Variants in FAM193B observed in about 807,000 individuals in gnomAD.
The protein encoded by FAM193B is protein FAM193B.
A neutral mutation model predicts 70.7 loss-of-function variants in FAM193B; 27 were observed. That is an observed-to-expected ratio of 0.38 (90% CI 0.28 to 0.53). The LOEUF is 0.53. Ranked by LOEUF, FAM193B falls within the 20% of genes least tolerant of loss-of-function variation. The pLI is 0.81. For synonymous variants in FAM193B, 448 were observed against 436.0 expected (o/e 1.03, Z -0.34); for missense variants, 1,022 against 1,072.5 (o/e 0.95, Z 0.66).
Position 177,524,476 on chromosome 5 carries a change from C to T in FAM193B, c.2005G>A (p.Ala669Thr), listed in dbSNP as rs750861205. 9.9e-6 allele frequency: 16 copies of T among 1,612,008 alleles called. No individual in the cohort carries two copies. Among genetic ancestry groups the T allele is most frequent in the Middle Eastern group, 1.6e-4 (1 of 6,082 alleles). Residue 669 changes from alanine (A) to threonine (T), a missense_variant, in exon 6 of 9, where the codon GCT becomes ACT. Physicochemically the swap from Ala to Thr is moderately conservative, Grantham distance 58. Coordinates refer to ENST00000514747, the MANE Select transcript of FAM193B (RefSeq NM_001190946.3). Reference sequence around the variant, plus strand: ...ACCCTGCCTGGCTGCTTGGGGCCAGCGACCTGGCCCTTGGCACTGGGAACC... The same window carrying T: ...ACCCTGCCTGGCTGCTTGGGGCCAGTGACCTGGCCCTTGGCACTGGGAACC... ...LEVPSAKGQVAGPKQPGRVLE... is the reference protein window; with the variant it reads ...LEVPSAKGQVTGPKQPGRVLE...
At chr5:177,533,458 C>A (rs912500699) in intron 4 of FAM193B, among the ~76,000 whole-genome samples, 4 of 152,094 alleles carry the variant, frequency 2.6e-5, no homozygotes, top group Non-Finnish European at 4.4e-5. Flanking sequence ...GCGCCCGCAA[C>A]CACGCCCGGC....
At chr5:177,533,676 A>G (rs1763819904) in intron 4 of FAM193B, among the ~76,000 whole-genome samples, 2 of 152,234 alleles carry the variant, frequency 1.3e-5, no homozygotes, top group Admixed American at 1.3e-4. Flanking sequence ...TTGCAGTGGT[A>G]GAGAGTGAAG....
intron 5 of FAM193B, chr5:177,531,786 G>T: frequency 1.2e-6 from 1 of 857,738 alleles, no homozygotes; most frequent in Non-Finnish European, 1.6e-6. Flanking sequence ...TCGTCACTGG[G>T]AAGCTGTATG....
chr5:177,547,630 C>T (rs543190877), intron 1 of FAM193B, among the ~76,000 whole-genome samples: 17 of 152,184 alleles, frequency 1.1e-4, no homozygotes, highest in Non-Finnish European at 1.9e-4. Flanking sequence ...AGACAAGTGA[C>T]TTCAAGGCCT....
rs949777169 is a variant in FAM193B at position 177,532,314 on chromosome 5, T to A, written c.1275+129A>T. 4.0e-6 allele frequency: 6 copies of A among 1,489,430 alleles called. No homozygotes were observed. Among genetic ancestry groups the A allele is most frequent in the Middle Eastern group, 1.7e-4 (1 of 5,810 alleles). 92.3% of individuals were successfully genotyped at this position (1,489,430 alleles called of 1,614,324 possible). ...TGAGGATCAAGCGAGCAGACGCAGG[T>A]GCAAGGACTCACGGCCCCAGCACGG... On this transcript the variant is annotated intron_variant, in intron 5 of 8. Coordinates refer to ENST00000514747, the MANE Select transcript of FAM193B (RefSeq NM_001190946.3). The surrounding 1 kb of genome is among the most constrained non-coding windows in gnomAD (Gnocchi z 4.9).
chr5:177,536,844 G>A (rs1764236524), intron 3 of FAM193B, 99 bp from the exon 4 acceptor site: 1 of 1,445,442 alleles, frequency 6.9e-7, no homozygotes, highest in South Asian at 1.3e-5. Flanking sequence ...TCTGTGACAA[G>A]AGGGCACAGC....
At chr5:177,544,546 C>A (rs1009784014) in intron 1 of FAM193B, among the ~76,000 whole-genome samples, 1 of 152,180 alleles carries the variant, frequency 6.6e-6, no homozygotes, top group Non-Finnish European at 1.5e-5. Context: ...TATTTGTGGG[C>A]AATGATATAA....
At chr5:177,550,361 A>C (rs1380373722) in intron 1 of FAM193B, among the ~76,000 whole-genome samples, 1 of 152,178 alleles carries the variant, frequency 6.6e-6, no homozygotes, top group African/African-American at 2.4e-5. Context: ...GATAGGAACT[A>C]TCTTATCCAT....
At chr5:177,531,357 G>T in intron 5 of FAM193B, 1 of 1,361,910 alleles carries the variant, frequency 7.3e-7, no homozygotes, top group Non-Finnish European at 9.8e-7. Flanking sequence ...TGCTGTTGAT[G>T]AATTCCAGCA....
At chr5:177,528,857 G>T (rs1763028724) in intron 5 of FAM193B, among the ~76,000 whole-genome samples, 2 of 152,184 alleles carry the variant, frequency 1.3e-5, no homozygotes, top group South Asian at 4.1e-4. Flanking sequence ...GGCTGCCACA[G>T]ATTCACTCAT....
At position 177,519,998 on chromosome 5, in the gene FAM193B, C is replaced by G. The variant is rs563146434; in HGVS notation, c.*185G>C. 6.6e-6 allele frequency: 1 copy of G among 152,642 alleles called. No homozygotes were observed. Among genetic ancestry groups the G allele is most frequent in the African/African-American group, 2.4e-5 (1 of 41,588 alleles). The allele number at this position is 152,642 out of a possible 1,614,324, so 9.5% of individuals were successfully genotyped here. A position where few individuals can be genotyped will look rare whatever the true frequency, so the allele number is the denominator to read the frequency against. On this transcript the variant is annotated 3_prime_UTR_variant, in exon 9 of 9. Coordinates refer to ENST00000514747, the MANE Select transcript of FAM193B (RefSeq NM_001190946.3). ...GAGGCTGCGTAGCACCAGGAAGCGG[C>G]TCTGCTGAGGTCAAGGGGCCCCAGC...
Position 177,536,669 on chromosome 5 carries a change from G to C in FAM193B, c.765C>G (p.His255Gln), listed in dbSNP as rs538182772. ...ACGGGATTAGAGATGCTGGCTGCGG[G>C]TGGTGGCCGGTGGGGCTGTTAGGGG... is the stretch of plus-strand genomic sequence containing the variant. ...TAPPNSPTGH[H>Q]PQPASLIPSH... The change falls in exon 4 of 9, where the codon CAC (histidine) becomes CAG (glutamine). Residue 255 changes from histidine (H) to glutamine (Q), a missense_variant. Coordinates refer to ENST00000514747, the MANE Select transcript of FAM193B (RefSeq NM_001190946.3). 133 of 1,557,294 alleles carry C rather than the reference G, an allele frequency of 8.5e-5. No individual in the cohort carries two copies. In the Middle Eastern group the frequency reaches 1.6e-3, roughly 18 times the overall value.
At chr5:177,523,228 G>C (rs1031556384) in intron 7 of FAM193B, 1 of 365,450 alleles carries the variant, frequency 2.7e-6, no homozygotes, top group South Asian at 1.9e-5. Context: ...TTGAACTCCT[G>C]ATCTCAGGTG....
chr5:177,522,350 C>T (rs748115461), intron 7 of FAM193B, among the ~76,000 whole-genome samples: 1 of 152,164 alleles, frequency 6.6e-6, no homozygotes, highest in Non-Finnish European at 1.5e-5. Flanking sequence ...GGCTGGCTTC[C>T]GTCATTCCCT....
intron 7 of FAM193B, chr5:177,523,342 A>G: frequency 3.8e-6 from 1 of 264,092 alleles, no homozygotes; most frequent in South Asian, 3.3e-5. Flanking sequence ...TTAGTAATGT[A>G]TTGCTATTTT....
intron 1 of FAM193B, among the ~76,000 whole-genome samples, chr5:177,545,219 T>A (rs1054811287): frequency 6.6e-6 from 1 of 152,188 alleles, no homozygotes; most frequent in Non-Finnish European, 1.5e-5. Context: ...AATTTTTATA[T>A]TTTTAGTAGA....
chr5:177,530,735 G>A (rs968079199), intron 5 of FAM193B, among the ~76,000 whole-genome samples: 2 of 152,154 alleles, frequency 1.3e-5, no homozygotes, highest in African/African-American at 2.4e-5. Context: ...CAACAACACT[G>A]TCCATCCTGC....
At chr5:177,544,116 T>C (rs1765153840) in intron 1 of FAM193B, among the ~76,000 whole-genome samples, 3 of 152,214 alleles carry the variant, frequency 2.0e-5, no homozygotes, top group Admixed American at 2.0e-4. Context: ...TCCAAGATAA[T>C]TTTTCTTCAC....
At chr5:177,551,014 T>A (rs77866613) in intron 1 of FAM193B, among the ~76,000 whole-genome samples, 3 of 151,542 alleles carry the variant, frequency 2.0e-5, no homozygotes, top group Admixed American at 6.6e-5. Flanking sequence ...TTTTTTTTTT[T>A]ATAGAACCAG....
Sources: allele counts gnomAD v4.1 joint callset (sites outside exome capture counted in the v4.1 genomes callset), GRCh38; gene constraint gnomAD v4.1.1; non-coding constraint Gnocchi (gnomAD v3.1); transcripts MANE v1.5; gene names NCBI Gene and HGNC (gene_info 2026-07-23, HGNC 2026-07-21).